The following EFNA5 variants were observed in gnomAD, a reference collection of about 807,000 sequenced individuals.
EFNA5 encodes ephrin A5.
EFNA5 carries 5 observed loss-of-function variants against 22.9 expected under a neutral mutation model. The observed-to-expected ratio is 0.22, with a 90% CI of 0.11 to 0.46. The LOEUF (loss-of-function observed/expected upper bound fraction) is 0.46, where lower values mean the gene tolerates loss of function less well. EFNA5 is among the 20% of genes least tolerant of loss of function. The probability of loss-of-function intolerance (pLI) is 0.99; values close to 1 mark genes in which losing one functional copy is unlikely to be tolerated. For synonymous variants in EFNA5, 113 were observed against 112.2 expected, an observed-to-expected ratio of 1.01 and a Z score of -0.04; for missense variants, 237 against 293.3, an observed-to-expected ratio of 0.81 and a Z score of 1.40.
intron 1 of EFNA5, among the ~76,000 whole-genome samples, chr5:107,639,596 T>C (rs879515814): frequency 3.3e-5 from 5 of 152,172 alleles, no homozygotes; most frequent in South Asian, 2.1e-4. Context: ...CTTAAGGCTA[T>C]TGTGCAGACT....
At chr5:107,552,859 G>A (rs759834042) in intron 1 of EFNA5, among the ~76,000 whole-genome samples, 28 of 152,142 alleles carry the variant, frequency 1.8e-4, no homozygotes, top group African/African-American at 4.6e-4. Flanking sequence ...TTCTGGGTCC[G>A]GTTCCTGGTT....
chr5:107,564,062 T>C (rs1748608869), intron 1 of EFNA5, among the ~76,000 whole-genome samples: 1 of 152,092 alleles, frequency 6.6e-6, no homozygotes, highest in Non-Finnish European at 1.5e-5. Context: ...TTACGCCTGC[T>C]ATTTTCCTCC....
At chr5:107,495,300 G>A (rs1561412134) in intron 1 of EFNA5, among the ~76,000 whole-genome samples, 2 of 151,600 alleles carry the variant, frequency 1.3e-5, no homozygotes, top group African/African-American at 2.4e-5. Context: ...CAGACGAGCC[G>A]CCTTAAGAGC....
intron 1 of EFNA5, among the ~76,000 whole-genome samples, chr5:107,610,070 C>A (rs1295508363): frequency 6.6e-6 from 1 of 152,100 alleles, no homozygotes; most frequent in African/African-American, 2.4e-5. Flanking sequence ...AAGTGTAACC[C>A]CAAGTTAAAT....
At chr5:107,661,639 A>G (rs1750962915) in intron 1 of EFNA5, among the ~76,000 whole-genome samples, 1 of 152,238 alleles carries the variant, frequency 6.6e-6, no homozygotes, top group Non-Finnish European at 1.5e-5. Context: ...GTTAGACACA[A>G]AAGATAATTT....
At chr5:107,549,634 A>G (rs1188235936) in intron 1 of EFNA5, among the ~76,000 whole-genome samples, 1 of 152,190 alleles carries the variant, frequency 6.6e-6, no homozygotes, top group African/African-American at 2.4e-5. Context: ...CAATCTCTTC[A>G]GCTCTCATTT....
intron 1 of EFNA5, among the ~76,000 whole-genome samples, chr5:107,482,806 CTCTCTCTGTCTCTCTCTCTG>C (rs200976211): frequency 0.032 from 3,087 of 97,214 alleles, 50 homozygotes; most frequent in East Asian, 0.15. Flanking sequence ...CTCTCTCTCT[CTCTCTCTGTCTCTCTCTCTG>C]TCTCTGTCTC....
At chr5:107,637,735 A>G (rs1249081528) in intron 1 of EFNA5, among the ~76,000 whole-genome samples, 1 of 148,684 alleles carries the variant, frequency 6.7e-6, no homozygotes, top group African/African-American at 2.4e-5. Flanking sequence ...TATATAATTT[A>G]TGATTATACA....
At chr5:107,661,913 T>C (rs949808959) in intron 1 of EFNA5, among the ~76,000 whole-genome samples, 8 of 152,162 alleles carry the variant, frequency 5.3e-5, no homozygotes, top group African/African-American at 1.7e-4. Context: ...ACCACAACAC[T>C]GCCTGTTTCA....
chr5:107,548,113 C>T (rs747357107), intron 1 of EFNA5, among the ~76,000 whole-genome samples: 9 of 152,124 alleles, frequency 5.9e-5, no homozygotes, highest in African/African-American at 2.2e-4. Context: ...TTTCCAATGA[C>T]GACAATGAGG....
intron 1 of EFNA5, among the ~76,000 whole-genome samples, chr5:107,483,538 T>C (rs1750542384): frequency 6.6e-6 from 1 of 152,210 alleles, no homozygotes; most frequent in African/African-American, 2.4e-5. Context: ...AGTATTTTTA[T>C]AGCCTACTAA....
chr5:107,608,829 A>C (rs1580558114), intron 1 of EFNA5, among the ~76,000 whole-genome samples: 1 of 152,244 alleles, frequency 6.6e-6, no homozygotes, highest in South Asian at 2.1e-4. Flanking sequence ...GGTTTATTCC[A>C]GAAGCTGAAT....
intron 1 of EFNA5, among the ~76,000 whole-genome samples, chr5:107,595,695 A>C (rs912681535): frequency 2.6e-5 from 4 of 152,222 alleles, no homozygotes; most frequent in Admixed American, 2.6e-4. Context: ...CAGTGTCCAC[A>C]AGGGATTAGA....
chr5:107,664,415 A>G (rs190113779), intron 1 of EFNA5, among the ~76,000 whole-genome samples: 2 of 152,292 alleles, frequency 1.3e-5, no homozygotes, highest in East Asian at 1.9e-4. Context: ...GTAATATCCT[A>G]TTCAGAAGCA....
intron 2 of EFNA5, among the ~76,000 whole-genome samples, chr5:107,424,184 T>G (rs945558323): frequency 2.6e-4 from 40 of 150,994 alleles, no homozygotes; most frequent in Non-Finnish European, 4.4e-4. Flanking sequence ...ATAGCTTTCT[T>G]TTTTCTTTCT....
chr5:107,496,700 TAAAC>T, intron 1 of EFNA5, among the ~76,000 whole-genome samples: 1 of 152,318 alleles, frequency 6.6e-6, no homozygotes, highest in Non-Finnish European at 1.5e-5. Context: ...AAAGTGCGCT[TAAAC>T]AATAACTGCA....
chr5:107,381,592 C>A (rs1454350464), intron 4 of EFNA5, among the ~76,000 whole-genome samples: 1 of 152,186 alleles, frequency 6.6e-6, no homozygotes, highest in Admixed American at 6.5e-5. Flanking sequence ...TTAATACTTT[C>A]CTTAAAAATT....
intron 1 of EFNA5, among the ~76,000 whole-genome samples, chr5:107,643,168 C>T (rs748430560): frequency 1.3e-4 from 20 of 152,184 alleles, no homozygotes; most frequent in Non-Finnish European, 2.5e-4. Flanking sequence ...CTTTAAATAA[C>T]TCCTAAGTAG....
chr5:107,610,308 G>A (rs1029919618), intron 1 of EFNA5, among the ~76,000 whole-genome samples: 2 of 152,224 alleles, frequency 1.3e-5, no homozygotes, highest in Non-Finnish European at 1.5e-5. Context: ...TATCATGAGG[G>A]GAGCATTTAC....
Sources: allele counts gnomAD v4.1 joint callset (sites outside exome capture counted in the v4.1 genomes callset), GRCh38; gene constraint gnomAD v4.1.1; transcripts MANE v1.5; gene names NCBI Gene and HGNC (gene_info 2026-07-23, HGNC 2026-07-21).